Variants in FAT3 observed in about 807,000 individuals in gnomAD.
FAT3 encodes protocadherin Fat 3.
In FAT3, 95 loss-of-function variants were observed where a neutral mutation model predicts 310.2. That is an observed-to-expected ratio of 0.31 (90% CI 0.26 to 0.36). The LOEUF (loss-of-function observed/expected upper bound fraction) is 0.36. Among genes scored for constraint, FAT3 ranks in the 10% least tolerant of loss-of-function variants. The pLI, the probability that FAT3 is intolerant of heterozygous loss-of-function variation, is 1.00. For missense variants in FAT3, 5,408 were observed against 5,715.6 expected (o/e 0.95, Z 1.74); for synonymous variants, 2,314 against 2,192.9 (o/e 1.06, Z -1.54).
intron 10 of FAT3, 120 bp from the exon 11 acceptor site, chr11:92,805,033 A>G (rs1947464181): frequency 1.1e-6 from 1 of 899,202 alleles, no homozygotes. Context: ...TCTTTGTAGT[A>G]TCCTAAATGA....
At chr11:92,679,934 GTCCTT>G (rs2135853625) in intron 3 of FAT3, among the ~76,000 whole-genome samples, 1 of 142,532 alleles carries the variant, frequency 7.0e-6, no homozygotes, top group South Asian at 2.3e-4. Context: ...GTCTATTCAT[GTCCTT>G]TACTCAAGTT....
intron 1 of FAT3, among the ~76,000 whole-genome samples, chr11:92,351,045 A>C (rs1337572927): frequency 6.6e-6 from 1 of 152,214 alleles, no homozygotes; most frequent in Non-Finnish European, 1.5e-5. Flanking sequence ...TGTATCTTTT[A>C]ACCCACATAG....
In FAT3 at chr11:92,686,553, A is replaced by G. The variant is rs1487302320; in HGVS notation, c.3608-10831A>G. Among the ~76,000 whole-genome samples, 2 of 152,204 alleles carry G rather than the reference A, an allele frequency of 1.3e-5. 1 individual carries two copies. Among genetic ancestry groups the G allele is most frequent in the South Asian group, 4.1e-4 (2 of 4,832 alleles). ...AAATGAAAACTAATGGGGTTTTACA[A>G]TGTAAATATAAATTTAAGACAAAAG... On this transcript the variant is annotated intron_variant, in intron 3 of 27. Coordinates refer to ENST00000525166, the MANE Select transcript of FAT3 (RefSeq NM_001367949.2).
At position 92,867,057 on chromosome 11, in the gene FAT3, A is replaced by G. The variant is rs755177454; in HGVS notation, c.11975A>G (p.Asn3992Ser). ...FQGCLDSVILNNNELPLQNKR... is the reference protein window; with the variant it reads ...FQGCLDSVILSNNELPLQNKR... ...GGCTGCCTGGACTCGGTGATACTGA[A>G]TAACAATGAGCTGCCGCTGCAGAAC... Residue 3992 changes from asparagine to serine, a missense_variant, in exon 22 of 28, where the codon AAT (asparagine) becomes AGT (serine). Asn to Ser is a conservative substitution (Grantham distance 46, BLOSUM62 1). Coordinates refer to ENST00000525166, the MANE Select transcript of FAT3 (RefSeq NM_001367949.2). The G allele has an allele frequency of 1.9e-6, 3 of 1,589,190 alleles. No homozygotes were observed. The highest frequency in any genetic ancestry group is 1.3e-5 in the African/African-American group (1 of 74,620).
chr11:92,769,775 G>T (rs1052080644), intron 6 of FAT3, among the ~76,000 whole-genome samples: 1 of 152,200 alleles, frequency 6.6e-6, no homozygotes, highest in Non-Finnish European at 1.5e-5. Context: ...TTTCTGTGTT[G>T]CAGGAAGGCT....
chr11:92,374,201 A>G (rs547820868), intron 2 of FAT3, among the ~76,000 whole-genome samples: 1 of 152,254 alleles, frequency 6.6e-6, no homozygotes, highest in East Asian at 1.9e-4. Flanking sequence ...TCACTAACAT[A>G]CCCAGAAATA....
Position 92,557,265 on chromosome 11 carries a change from A to C in FAT3, c.3607+32317A>C, listed in dbSNP as rs145680656. Among the ~76,000 whole-genome samples the C allele has an allele frequency of 7.9e-3, 1,200 of 151,824 alleles. 14 individuals are homozygous for C. Among genetic ancestry groups the C allele is most frequent in the African/African-American group, 0.028 (1,141 of 41,370 alleles). On this transcript the variant is annotated intron_variant, in intron 3 of 27. Transcript: ENST00000525166. Reference sequence around the variant, plus strand: ...CTTATTACCTTCACGGTACCTCACTACCACCCTGTTATAGGAGCCAGAGAA... The same window carrying C: ...CTTATTACCTTCACGGTACCTCACTCCCACCCTGTTATAGGAGCCAGAGAA...
At chr11:92,687,782 A>G (rs1943674511) in intron 3 of FAT3, among the ~76,000 whole-genome samples, 1 of 152,174 alleles carries the variant, frequency 6.6e-6, no homozygotes, top group African/African-American at 2.4e-5. Context: ...GTGTAACGCT[A>G]TAGGCGGTAA....
Position 92,774,071 on chromosome 11 carries a change from A to C in FAT3, c.4226A>C (p.Glu1409Ala). 1 of 1,613,564 alleles carries C rather than the reference A, an allele frequency of 6.2e-7. No individual in the cohort carries two copies. The highest frequency in any genetic ancestry group is 8.5e-7 in the Non-Finnish European group (1 of 1,179,664). Residue 1409 changes from glutamate to alanine, a missense_variant, in exon 7 of 28, where the codon GAG becomes GCG. Glu to Ala is a moderately radical substitution (Grantham distance 107). This residue lies in a region of FAT3 where 4,588 missense variants were observed against 4,809.8 expected (regional missense o/e 0.95). Transcript: ENST00000525166. ...AATTTTGACAGCGCTTTTGATGCAG[A>C]GAAGGGTGTTGGGACAATTGTCATC... ...GGNFDSAFDAEKGVGTIVIAK... is the reference protein window; with the variant it reads ...GGNFDSAFDAAKGVGTIVIAK...
At chr11:92,339,026 C>T (rs1253695734) in intron 1 of FAT3, among the ~76,000 whole-genome samples, 1 of 152,194 alleles carries the variant, frequency 6.6e-6, no homozygotes, top group East Asian at 1.9e-4. Context: ...GAGCTCTATG[C>T]AGTGCCTCAG....
chr11:92,851,257 G>A (rs1206079644), intron 19 of FAT3, among the ~76,000 whole-genome samples: 1 of 152,198 alleles, frequency 6.6e-6, no homozygotes, highest in Non-Finnish European at 1.5e-5. Context: ...TCAGGTCTCT[G>A]CCATGTTGCT....
chr11:92,804,202 G>T (rs1027700289), intron 10 of FAT3, among the ~76,000 whole-genome samples: 1 of 152,044 alleles, frequency 6.6e-6, no homozygotes, highest in Non-Finnish European at 1.5e-5. Context: ...ATGTAGCCCT[G>T]CTGCCTAGAA....
intron 3 of FAT3, among the ~76,000 whole-genome samples, chr11:92,669,759 A>C (rs2135819307): frequency 6.6e-6 from 1 of 152,318 alleles, no homozygotes; most frequent in South Asian, 2.1e-4. Context: ...TTCTAGCCAC[A>C]GGCCCTGGGA....
At chr11:92,324,396 T>A (rs542543281) in intron 1 of FAT3, among the ~76,000 whole-genome samples, 15 of 152,156 alleles carry the variant, frequency 9.9e-5, no homozygotes, top group African/African-American at 3.4e-4. Flanking sequence ...TAGAGGACAT[T>A]GTAGGGTTAT....
At position 92,721,462 on chromosome 11, in the gene FAT3, G is replaced by C. The variant is rs562421545; in HGVS notation, c.3669+24017G>C. ...AATTTTTTTAAACAGCTCTGTCCTG[G>C]TGAAGGAATGAAATAATGGATTAAT... On this transcript the variant is annotated intron_variant, in intron 4 of 27. Coordinates refer to ENST00000525166, the MANE Select transcript of FAT3 (RefSeq NM_001367949.2). Among the ~76,000 whole-genome samples, 419 of 152,234 alleles carry C rather than the reference G, an allele frequency of 2.8e-3. 2 individuals are homozygous for C. The highest frequency in any genetic ancestry group is 4.7e-3 in the Non-Finnish European group (318 of 68,024).
intron 2 of FAT3, among the ~76,000 whole-genome samples, chr11:92,432,664 T>C (rs1950817628): frequency 6.6e-6 from 1 of 152,148 alleles, no homozygotes; most frequent in South Asian, 2.1e-4. Context: ...ACCTACCAGA[T>C]GCCAGCCAGA....
intron 4 of FAT3, chr11:92,748,881 T>C (rs1262556893): frequency 6.6e-6 from 1 of 150,378 alleles, no homozygotes; most frequent in Non-Finnish European, 1.5e-5. Flanking sequence ...CAAGAGTTGC[T>C]GTTCCTTTGA....
At chr11:92,443,323 A>C (rs1951123551) in intron 2 of FAT3, among the ~76,000 whole-genome samples, 1 of 152,232 alleles carries the variant, frequency 6.6e-6, no homozygotes, top group Non-Finnish European at 1.5e-5. Context: ...CCCCAAGCGC[A>C]CACTGTACTG....
At chr11:92,629,160 T>TG (rs1349226479) in intron 3 of FAT3, among the ~76,000 whole-genome samples, 1 of 152,228 alleles carries the variant, frequency 6.6e-6, no homozygotes, top group Non-Finnish European at 1.5e-5. Flanking sequence ...TAGTATACAC[T>TG]GAGATCTTTC....
Sources: gnomAD v4.1 joint callset for allele counts (sites outside exome capture counted in the v4.1 genomes callset) on GRCh38, gnomAD v4.1.1 for gene constraint, gnomAD v4.1.1 regional missense constraint, MANE v1.5 for transcripts, NCBI Gene and HGNC (gene_info 2026-07-23, HGNC 2026-07-21) for gene names.